Variants in DYNC2H1 observed in about 807,000 individuals in gnomAD.
The protein encoded by DYNC2H1 is cytoplasmic dynein 2 heavy chain 1.
Under a neutral mutation model 570.0 loss-of-function variants are expected in DYNC2H1, and 410 were observed. That is an observed-to-expected ratio of 0.72 (90% CI 0.66 to 0.78). The LOEUF is 0.78. Among genes scored for constraint, DYNC2H1 ranks in the 30% least tolerant of loss-of-function variants. DYNC2H1 has a pLI of 0.00. For synonymous variants in DYNC2H1, 1,688 were observed against 1,677.6 expected, an observed-to-expected ratio of 1.01 and a Z score of -0.15; for missense variants, 4,865 against 5,046.4, an observed-to-expected ratio of 0.96 and a Z score of 1.09.
intron 58 of DYNC2H1, among the ~76,000 whole-genome samples, chr11:103,222,577 T>C (rs1276895637): frequency 6.6e-6 from 1 of 152,194 alleles, no homozygotes; most frequent in Admixed American, 6.5e-5. Flanking sequence ...ACATCTTCTT[T>C]AACACCAACT....
Position 103,472,217 on chromosome 11 carries a change from A to G in DYNC2H1, c.12765+3512A>G, listed in dbSNP as rs190073450. ...GAGTTTAGACCACCTTATGATCAGTAGGAAGCCATCAAGAATTTAGAACAG... is the reference window on the plus strand; with the variant it reads ...GAGTTTAGACCACCTTATGATCAGTGGGAAGCCATCAAGAATTTAGAACAG... On this transcript the variant is annotated intron_variant, in intron 88 of 88. Coordinates refer to ENST00000375735, the MANE Select transcript of DYNC2H1 (RefSeq NM_001377.3). The surrounding 1 kb of genome is among the most constrained non-coding windows in gnomAD (Gnocchi z 4.1). Among the ~76,000 whole-genome samples, 17 of 152,230 alleles carry G rather than the reference A, an allele frequency of 1.1e-4. No homozygotes were observed. In the East Asian group the frequency reaches 3.1e-3, roughly 28 times the overall value.
chr11:103,215,175 C>A (rs1450601427), intron 54 of DYNC2H1, among the ~76,000 whole-genome samples: 10 of 152,084 alleles, frequency 6.6e-5, no homozygotes, highest in Admixed American at 6.5e-4. Context: ...GTGGCTTGGA[C>A]TTCTGGTACT....
intron 83 of DYNC2H1, 74 bp downstream of exon 83, chr11:103,358,433 C>G (rs1940464847): frequency 2.9e-6 from 3 of 1,040,254 alleles, no homozygotes; most frequent in East Asian, 2.6e-5. Context: ...CCATTTCTGC[C>G]TGAGTCATAC....
intron 75 of DYNC2H1, among the ~76,000 whole-genome samples, chr11:103,302,713 A>G (rs2135394835): frequency 6.6e-6 from 1 of 152,160 alleles, no homozygotes; most frequent in East Asian, 1.9e-4. Flanking sequence ...GTATTGTACT[A>G]ATGAGATATA....
At position 103,432,018 on chromosome 11, in the gene DYNC2H1, C is replaced by T. The variant is rs542798213; in HGVS notation, c.12367-3925C>T. On this transcript the variant is annotated intron_variant, in intron 84 of 88. Transcript: ENST00000375735. ...GTAATAGTTAAGCCAGGGTTCAGAA[C>T]GCTGTAGTGGATCAGACCAGCCGCC... 9.9e-5 allele frequency among the ~76,000 whole-genome samples: 15 copies of T among 152,168 alleles called. No homozygotes were observed. The South Asian group carries it at 1.5e-3, about 15-fold the overall frequency.
At chr11:103,473,651 C>T (rs911604142) in intron 88 of DYNC2H1, among the ~76,000 whole-genome samples, 24 of 152,208 alleles carry the variant, frequency 1.6e-4, no homozygotes, top group African/African-American at 5.5e-4. Context: ...TATGCTCCAT[C>T]AGGATCTAAT....
At chr11:103,236,129 T>C (rs976301588) in intron 62 of DYNC2H1, among the ~76,000 whole-genome samples, 11 of 152,010 alleles carry the variant, frequency 7.2e-5, no homozygotes, top group African/African-American at 2.4e-4. Flanking sequence ...ATAATTTTAT[T>C]TCATAGGCTG....
intron 57 of DYNC2H1, among the ~76,000 whole-genome samples, chr11:103,221,824 C>T (rs900527593): frequency 6.6e-6 from 1 of 152,094 alleles, no homozygotes; most frequent in Non-Finnish European, 1.5e-5. Flanking sequence ...CCACAGCACT[C>T]CTGCCTGGGT....
In DYNC2H1 at chr11:103,158,964, G is replaced by C; in HGVS notation, c.4315G>C (p.Glu1439Gln). ...TTTTATTGGTGATGATGACTTATTA[G>C]AAATATTGGGCCAGTCTACCAACCC... ...FYFIGDDDLL[E>Q]ILGQSTNPSV... Residue 1439 changes from glutamate to glutamine, a missense_variant, in exon 28 of 89, where the codon GAA becomes CAA. Coordinates refer to ENST00000375735, the MANE Select transcript of DYNC2H1 (RefSeq NM_001377.3). 11 of 1,613,354 alleles carry C rather than the reference G, an allele frequency of 6.8e-6. No individual in the cohort carries two copies. The highest frequency in any genetic ancestry group is 9.3e-6 in the Non-Finnish European group (11 of 1,179,736).
At chr11:103,192,381 A>G (rs1565383478) in intron 47 of DYNC2H1, 117 bp downstream of exon 47, 1 of 765,810 alleles carries the variant, frequency 1.3e-6, no homozygotes, top group East Asian at 3.1e-5. Context: ...TAATTTTAAT[A>G]TTATTTTTCC....
At chr11:103,266,533 G>C (rs1865511526) in intron 70 of DYNC2H1, among the ~76,000 whole-genome samples, 1 of 152,172 alleles carries the variant, frequency 6.6e-6, no homozygotes, top group Non-Finnish European at 1.5e-5. Flanking sequence ...TTCTCTGCCT[G>C]CCAAGGCTCT....
intron 85 of DYNC2H1, among the ~76,000 whole-genome samples, chr11:103,445,942 G>A (rs902430578): frequency 3.3e-5 from 5 of 152,094 alleles, no homozygotes; most frequent in African/African-American, 7.2e-5. Context: ...GTGAGCCACC[G>A]TGCGCGGCCC....
intron 85 of DYNC2H1, chr11:103,454,970 C>A: frequency 2.2e-6 from 1 of 452,224 alleles, no homozygotes; most frequent in Non-Finnish European, 3.9e-6. Flanking sequence ...TACCAACAAA[C>A]AATTGTGCAA....
At chr11:103,378,329 A>C (rs899521148) in intron 83 of DYNC2H1, among the ~76,000 whole-genome samples, 7 of 152,116 alleles carry the variant, frequency 4.6e-5, no homozygotes, top group Admixed American at 4.6e-4. Context: ...TATATATTTT[A>C]AGTTCTCTGC....
chr11:103,109,596 G>A lies in DYNC2H1; in HGVS notation c.22G>A (p.Val8Ile), dbSNP rs943245485. MANGTAD[V>I]RKLFIFTTTQ... ...AATCATGGCGAACGGGACTGCGGACGTTCGGAAGCTCTTCATCTTCACTAC... is the reference window on the plus strand; with the variant it reads ...AATCATGGCGAACGGGACTGCGGACATTCGGAAGCTCTTCATCTTCACTAC... Residue 8 changes from valine to isoleucine, a missense_variant, in exon 1 of 89, where the codon GTT (valine) becomes ATT (isoleucine). By Grantham distance (29) the Val-to-Ile change is conservative. Around this residue, in one of 5 missense-constraint regions of DYNC2H1, gnomAD observed 1,936 missense variants for 1,962.1 expected, o/e 0.99. Coordinates refer to ENST00000375735, the MANE Select transcript of DYNC2H1 (RefSeq NM_001377.3). 6.2e-7 allele frequency: 1 copy of A among 1,613,642 alleles called. No homozygotes were observed. Among genetic ancestry groups the A allele is most frequent in the Admixed American group, 1.7e-5 (1 of 59,982 alleles).
At chr11:103,303,281 G>T in intron 76 of DYNC2H1, 28 bp downstream of exon 76, 1 of 1,593,548 alleles carries the variant, frequency 6.3e-7, no homozygotes. Flanking sequence ...CGCTGTTTTT[G>T]TTTTTGCTAT....
intron 40 of DYNC2H1, among the ~76,000 whole-genome samples, chr11:103,184,307 C>A (rs675284): frequency 6.6e-6 from 1 of 151,672 alleles, no homozygotes; most frequent in Admixed American, 6.6e-5. Flanking sequence ...ACATACAGAT[C>A]CTAATGCATG....
Position 103,236,503 on chromosome 11 carries a change from T to C in DYNC2H1, c.9783T>C (p.Asp3261=), listed in dbSNP as rs1864227095. 6.2e-7 allele frequency: 1 copy of C among 1,606,110 alleles called. No individual in the cohort carries two copies. The highest frequency in any genetic ancestry group is 1.3e-5 in the African/African-American group (1 of 74,828). The change falls in exon 63 of 89, where the codon GAT becomes GAC. Residue 3261 remains aspartate, a synonymous_variant. Coordinates refer to ENST00000375735, the MANE Select transcript of DYNC2H1 (RefSeq NM_001377.3). ...GGAAAAGTGAAGGCCTACCATCAGA[T>C]GACCTTTCCATAGAAAATGCTCTTG... ...LIWKSEGLPS[D]DLSIENALVI...
At chr11:103,396,446 G>A (rs754768077) in intron 83 of DYNC2H1, among the ~76,000 whole-genome samples, 2 of 152,178 alleles carry the variant, frequency 1.3e-5, no homozygotes, top group African/African-American at 4.8e-5. Context: ...AAAGTCTGAC[G>A]TGTTTACTCT....
Sources: allele counts gnomAD v4.1 joint callset (sites outside exome capture counted in the v4.1 genomes callset), GRCh38; gene constraint gnomAD v4.1.1; regional missense constraint gnomAD v4.1.1; non-coding constraint Gnocchi (gnomAD v3.1); transcripts MANE v1.5; gene names NCBI Gene and HGNC (gene_info 2026-07-23, HGNC 2026-07-21).